The following CMIP variants were observed in gnomAD, a reference collection of about 807,000 sequenced individuals.
The protein encoded by CMIP is C-Maf-inducing protein.
Under a neutral mutation model 97.3 loss-of-function variants are expected in CMIP, and 13 were observed. The observed-to-expected ratio is 0.13, with a 90% CI of 0.09 to 0.21. The LOEUF (loss-of-function observed/expected upper bound fraction) is 0.21, where lower values mean the gene tolerates loss of function less well. Among genes scored for constraint, CMIP ranks in the 10% least tolerant of loss-of-function variants. The pLI, the probability that CMIP is intolerant of heterozygous loss-of-function variation, is 1.00. For missense variants in CMIP, 847 were observed against 1,024.9 expected (o/e 0.83, Z 2.37); for synonymous variants, 538 against 436.3 (o/e 1.23, Z -2.91).
intron 3 of CMIP, among the ~76,000 whole-genome samples, chr16:81,633,972 A>G (rs1173729039): frequency 2.6e-5 from 4 of 152,218 alleles, no homozygotes; most frequent in Admixed American, 6.5e-5. Flanking sequence ...GAGGGTCCTT[A>G]TCATCCCAGG....
chr16:81,627,126 G>T lies in CMIP; in HGVS notation c.477+6200G>T, dbSNP rs1343091085. On this transcript the variant is annotated intron_variant, in intron 3 of 20. Coordinates refer to ENST00000537098, the MANE Select transcript of CMIP (RefSeq NM_198390.3). This position sits in a 1 kb window ranked among gnomAD's most constrained non-coding sequence, Gnocchi z 4.6. Reference sequence around the variant, plus strand: ...GTGAGAGTGTGTGTGTGGTGTGTGTGTGGCATATGGGCCAACTATTTTATG... The same window carrying T: ...GTGAGAGTGTGTGTGTGGTGTGTGTTTGGCATATGGGCCAACTATTTTATG... Among the ~76,000 whole-genome samples the T allele has an allele frequency of 1.3e-5, 2 of 151,068 alleles. No homozygotes were observed. The highest frequency in any genetic ancestry group is 3.0e-5 in the Non-Finnish European group (2 of 67,792).
intron 3 of CMIP, among the ~76,000 whole-genome samples, chr16:81,646,565 A>G (rs2092366969): frequency 1.3e-5 from 2 of 152,250 alleles, no homozygotes; most frequent in African/African-American, 4.8e-5. Flanking sequence ...AAAGTTGTAC[A>G]GTCATCACCA....
chr16:81,587,018 A>G (rs566519031), intron 1 of CMIP, among the ~76,000 whole-genome samples: 10 of 152,380 alleles, frequency 6.6e-5, no homozygotes, highest in Non-Finnish European at 1.0e-4. Flanking sequence ...TTAGAAAAGT[A>G]AAGAACAGGC....
intron 3 of CMIP, among the ~76,000 whole-genome samples, chr16:81,648,849 C>T (rs562562368): frequency 1.4e-4 from 17 of 124,624 alleles, no homozygotes; most frequent in African/African-American, 5.3e-4. Context: ...AGCTAATGGA[C>T]AAATGGCCAG....
intron 1 of CMIP, among the ~76,000 whole-genome samples, chr16:81,585,285 G>A (rs1046082204): frequency 6.6e-6 from 1 of 152,228 alleles, no homozygotes. Flanking sequence ...AGGTTGCAGT[G>A]AGCCGAGATT....
chr16:81,673,700 C>A (rs963484993), intron 9 of CMIP, among the ~76,000 whole-genome samples: 1 of 152,172 alleles, frequency 6.6e-6, no homozygotes, highest in Non-Finnish European at 1.5e-5. Context: ...CCCTCGCTGG[C>A]TGAGAACTGC....
rs1453307752 is a variant in CMIP, at chr16:81,537,546, C to CCAAA, written c.301-70021_301-70020insCAAA. Among the ~76,000 whole-genome samples the CCAAA allele has an allele frequency of 1.3e-3, 105 of 82,086 alleles. 2 individuals carry two copies. Among genetic ancestry groups the CCAAA allele is most frequent in the Non-Finnish European group, 2.0e-3 (86 of 43,928 alleles). The allele number at this position is 82,086 out of a possible 152,430, so 53.9% of individuals were successfully genotyped here. A position where few individuals can be genotyped will look rare whatever the true frequency, so the allele number is the denominator to read the frequency against. On this transcript the variant is annotated intron_variant, in intron 1 of 20. Coordinates refer to ENST00000537098, the MANE Select transcript of CMIP (RefSeq NM_198390.3). ...AGAGACTCCGTCTCCAAAAAAAAGACAAAAAAAAAAAAAAAAAAAAAAAAA... is the reference window on the plus strand; with the variant it reads ...AGAGACTCCGTCTCCAAAAAAAAGACCAAAAAAAAAAAAAAAAAAAAAAAAAAAA...
At chr16:81,615,295 CATGTGTAACTGGTGTGTGTGT>C (rs2091897778) in intron 2 of CMIP, among the ~76,000 whole-genome samples, 1 of 8,552 alleles carries the variant, frequency 1.2e-4, no homozygotes, top group Non-Finnish European at 2.2e-4. Context: ...GGTGTGTGTG[CATGTGTAACTGGTGTGTGTGT>C]ATGGTGTGTG....
At chr16:81,658,594 G>A (rs893884401) in intron 5 of CMIP, among the ~76,000 whole-genome samples, 5 of 152,240 alleles carry the variant, frequency 3.3e-5, no homozygotes, top group African/African-American at 1.2e-4. Flanking sequence ...TTTCCAGGTG[G>A]CAAAACGGGA....
intron 1 of CMIP, among the ~76,000 whole-genome samples, chr16:81,605,606 C>A (rs113582817): frequency 5.3e-4 from 80 of 152,326 alleles, no homozygotes; most frequent in African/African-American, 1.5e-3. Flanking sequence ...CCCAGCCCTC[C>A]CTCCGTTTCA....
intron 1 of CMIP, among the ~76,000 whole-genome samples, chr16:81,552,489 A>G (rs1389813251): frequency 2.6e-4 from 39 of 152,128 alleles, no homozygotes; most frequent in Non-Finnish European, 4.4e-5. Flanking sequence ...ATCTCTTCCC[A>G]TGCCTTTTTC....
At chr16:81,449,227 G>A (rs1039598106) in intron 1 of CMIP, among the ~76,000 whole-genome samples, 1 of 152,186 alleles carries the variant, frequency 6.6e-6, no homozygotes, top group Admixed American at 6.5e-5. Context: ...CAGGGGTCGG[G>A]GCACAGGTGA....
intron 3 of CMIP, among the ~76,000 whole-genome samples, chr16:81,637,585 G>A (rs949014333): frequency 3.3e-5 from 5 of 152,278 alleles, no homozygotes; most frequent in Middle Eastern, 3.4e-3. Flanking sequence ...CATAAGAAGC[G>A]GAAAAGAAAT....
At chr16:81,571,080 G>A (rs942941960) in intron 1 of CMIP, among the ~76,000 whole-genome samples, 2 of 152,152 alleles carry the variant, frequency 1.3e-5, no homozygotes, top group Non-Finnish European at 2.9e-5. Context: ...GTAAATAGTC[G>A]GAAAATGAGG....
At position 81,620,917 on chromosome 16, in the gene CMIP, G is replaced by T. The variant is rs1286970107; in HGVS notation, c.468G>T (p.Leu156=). Residue 156 remains leucine (L), a synonymous_variant, in exon 3 of 21, where the codon CTG becomes CTT. Coordinates refer to ENST00000537098, the MANE Select transcript of CMIP (RefSeq NM_198390.3). ...TGCGAGACCAGTGGTTCCATTCTCTGCAATGGAAGGTAAGTACTGACTCGG... is the reference window on the plus strand; with the variant it reads ...TGCGAGACCAGTGGTTCCATTCTCTTCAATGGAAGGTAAGTACTGACTCGG... ...SYLRDQWFHS[L]QWKKKIYKYK... The T allele has an allele frequency of 6.2e-7, 1 of 1,613,868 alleles. No individual in the cohort carries two copies. Among genetic ancestry groups the T allele is most frequent in the Non-Finnish European group, 8.5e-7 (1 of 1,179,866 alleles).
intron 1 of CMIP, among the ~76,000 whole-genome samples, chr16:81,577,420 T>C (rs1382801030): frequency 8.0e-6 from 1 of 125,434 alleles, no homozygotes; most frequent in African/African-American, 3.2e-5. Context: ...TTATTATCAC[T>C]ATCACCATCA....
At chr16:81,512,084 ATAT>A (rs1471900354) in intron 1 of CMIP, among the ~76,000 whole-genome samples, 1 of 152,240 alleles carries the variant, frequency 6.6e-6, no homozygotes, top group Non-Finnish European at 1.5e-5. Context: ...GGGTTAAAAT[ATAT>A]TATTAACATT....
At chr16:81,666,973 G>GC (rs1026796645) in intron 7 of CMIP, 6 of 151,908 alleles carry the variant, frequency 3.9e-5, no homozygotes, top group African/African-American at 1.2e-4. Context: ...CTGGTGTGGG[G>GC]GGGGGGTCAT....
intron 1 of CMIP, among the ~76,000 whole-genome samples, chr16:81,489,012 C>T (rs2089364627): frequency 6.6e-6 from 1 of 151,636 alleles, no homozygotes; most frequent in South Asian, 2.1e-4. Context: ...ATTCTTTCTG[C>T]TTTCATTCAT....
Sources: allele counts gnomAD v4.1 joint callset (sites outside exome capture counted in the v4.1 genomes callset), GRCh38; gene constraint gnomAD v4.1.1; non-coding constraint Gnocchi (gnomAD v3.1); transcripts MANE v1.5; gene names NCBI Gene and HGNC (gene_info 2026-07-23, HGNC 2026-07-21).